Variants in MRPL19 observed in about 807,000 individuals in gnomAD.
MRPL19 encodes the protein large ribosomal subunit protein bL19m.
MRPL19 carries 31 observed loss-of-function variants against 34.0 expected under a neutral mutation model. The ratio of observed to expected loss-of-function variants is 0.91; its 90% CI spans 0.68 to 1.23. The LOEUF (loss-of-function observed/expected upper bound fraction) is 1.23, where lower values mean the gene tolerates loss of function less well. Ranked by LOEUF, MRPL19 falls within the 50% of genes most tolerant of loss-of-function variation. The pLI, the probability that MRPL19 is intolerant of heterozygous loss-of-function variation, is 0.00. For synonymous variants in MRPL19, 152 were observed against 127.7 expected (o/e 1.19, Z -1.28); for missense variants, 384 against 367.6 (o/e 1.04, Z -0.37).
At chr2:75,649,624 T>C (rs1015583309) in intron 2 of MRPL19, among the ~76,000 whole-genome samples, 2 of 152,160 alleles carry the variant, frequency 1.3e-5, no homozygotes, top group African/African-American at 4.8e-5. Flanking sequence ...TTCTAAATTA[T>C]TGAGGGATGA....
In MRPL19 at chr2:75,659,624, A is replaced by G; in HGVS notation, c.*4339A>G. Among the ~76,000 whole-genome samples the G allele has an allele frequency of 6.6e-6, 1 of 151,930 alleles. No individual in the cohort carries two copies. Among genetic ancestry groups the G allele is most frequent in the East Asian group, 1.9e-4 (1 of 5,168 alleles). Reference sequence around the variant, plus strand: ...TGTCTTGATTTCTCCCTTATTTTTGATGGATAATTTTGCCAGATACATGAA... The same window carrying G: ...TGTCTTGATTTCTCCCTTATTTTTGGTGGATAATTTTGCCAGATACATGAA... On this transcript the variant is annotated 3_prime_UTR_variant, in exon 6 of 6. Coordinates refer to ENST00000393909, the MANE Select transcript of MRPL19 (RefSeq NM_014763.4).
rs1361562375 is a variant in MRPL19 at position 75,660,103 on chromosome 2, T to C, written c.*4818T>C. ...CCCTTCTTTTTATTTTTTTCAAGTTTGTTGATTCTTCTCCCTGTTCAGATC... is the reference window on the plus strand; with the variant it reads ...CCCTTCTTTTTATTTTTTTCAAGTTCGTTGATTCTTCTCCCTGTTCAGATC... On this transcript the variant is annotated 3_prime_UTR_variant, in exon 6 of 6. Transcript: ENST00000393909. Among the ~76,000 whole-genome samples the C allele has an allele frequency of 6.6e-6, 1 of 152,172 alleles. No individual in the cohort carries two copies.
At chr2:75,647,883 T>C (rs544263767) in intron 2 of MRPL19, among the ~76,000 whole-genome samples, 8 of 152,002 alleles carry the variant, frequency 5.3e-5, no homozygotes, top group African/African-American at 1.9e-4. Flanking sequence ...GATTTTTAAT[T>C]TTTTTATTTT....
intron 2 of MRPL19, chr2:75,651,407 G>T: frequency 1.9e-6 from 1 of 537,524 alleles, no homozygotes. Context: ...CTGACTCGCT[G>T]CCACTTGGAG....
At chr2:75,651,369 C>T in intron 2 of MRPL19, 1 of 533,486 alleles carries the variant, frequency 1.9e-6, no homozygotes, top group South Asian at 1.4e-5. Context: ...CAGTGAATGA[C>T]ACCGCATATG....
At chr2:75,653,546 C>T (rs1209393766) in intron 4 of MRPL19, among the ~76,000 whole-genome samples, 5 of 152,162 alleles carry the variant, frequency 3.3e-5, no homozygotes, top group Non-Finnish European at 5.9e-5. Flanking sequence ...GGATTAGCTC[C>T]CTCTTGCCAT....
chr2:75,652,327 T>G (rs768596836), intron 3 of MRPL19, 67 bp downstream of exon 3: 229 of 1,349,312 alleles, frequency 1.7e-4, no homozygotes, highest in Non-Finnish European at 1.8e-4. Context: ...GGATGGTTAG[T>G]TTTCTTAAAA....
rs1420436310 is a variant in MRPL19 at position 75,657,760 on chromosome 2, CTTTT to C, written c.*2477_*2480del. 1.3e-5 allele frequency: 2 copies of C among 151,968 alleles called. No homozygotes were observed. Among genetic ancestry groups the C allele is most frequent in the African/African-American group, 4.8e-5 (2 of 41,378 alleles). 9.4% of individuals were successfully genotyped at this position (151,968 alleles called of 1,614,324 possible). ...GCTCAAAAACATGTAAACAATCATG[CTTTT>C]TACTCTGTAGGAATATCTTTAAAAT... On this transcript the variant is annotated 3_prime_UTR_variant, in exon 6 of 6. Coordinates refer to ENST00000393909, the MANE Select transcript of MRPL19 (RefSeq NM_014763.4).
Position 75,652,598 on chromosome 2 carries a change from A to G in MRPL19, c.416A>G (p.Gln139Arg), listed in dbSNP as rs748189776. The change falls in exon 4 of 6, where the codon CAG becomes CGG. Residue 139 changes from glutamine (Q) to arginine (R), a missense_variant. Transcript: ENST00000393909. ...AGCCAGTTTCTGGGGATTTGCATTC[A>G]GAGATCAGGAAGAGGACTTGGAGCT... is the stretch of plus-strand genomic sequence containing the variant. Reference protein sequence around the residue: ...KISQFLGICIQRSGRGLGATF... With the variant: ...KISQFLGICIRRSGRGLGATF... 3 of 1,613,808 alleles carry G rather than the reference A, an allele frequency of 1.9e-6. No individual in the cohort carries two copies. Among genetic ancestry groups the G allele is most frequent in the Non-Finnish European group, 2.5e-6 (3 of 1,179,736 alleles).
In MRPL19 at chr2:75,660,520, G is replaced by T. The variant is rs1678586907; in HGVS notation, c.*5235G>T. On this transcript the variant is annotated 3_prime_UTR_variant, in exon 6 of 6. Coordinates refer to ENST00000393909, the MANE Select transcript of MRPL19 (RefSeq NM_014763.4). ...GAGAGTTAGTTTTATTTTTATTATT[G>T]AAGATTGTAGCAGTCTATTGCTACA... 1 of 152,104 alleles carries T rather than the reference G, an allele frequency of 6.6e-6. No homozygotes were observed. Among genetic ancestry groups the T allele is most frequent in the African/African-American group, 2.4e-5 (1 of 41,414 alleles). The allele number at this position is 152,104 out of a possible 1,614,324, so 9.4% of individuals were successfully genotyped here.
intron 2 of MRPL19, 192 bp from the exon 3 acceptor site, chr2:75,651,950 T>C (rs981408782): frequency 2.4e-6 from 1 of 413,948 alleles, no homozygotes; most frequent in African/African-American, 2.0e-5. Flanking sequence ...TTTAACAAAA[T>C]ACCAGGTGAG....
chr2:75,652,255 A>G lies in MRPL19; in HGVS notation c.335A>G (p.Tyr112Cys), dbSNP rs772487566. The change falls in exon 3 of 6, where the codon TAT becomes TGT. Residue 112 changes from tyrosine (Y) to cysteine (C), a missense_variant. Tyr to Cys is a radical substitution (Grantham distance 194). Transcript: ENST00000393909. ...AAAGTACTCCACATTCCAGAGTTCT[A>G]TGTTGGTCAGTAAGAGCTGTATGTT... ...RRKVLHIPEF[Y>C]VGSILRVTTA... 60 of 1,548,420 alleles carry G rather than the reference A, an allele frequency of 3.9e-5. No homozygotes were observed. The highest frequency in any genetic ancestry group is 9.0e-5 in the East Asian group (4 of 44,488).
At chr2:75,655,026 AT>A in intron 5 of MRPL19, 37 bp from the exon 6 acceptor site, 1 of 1,114,560 alleles carries the variant, frequency 9.0e-7, no homozygotes, top group Non-Finnish European at 1.3e-6. Flanking sequence ...CAGCCTAATT[AT>A]TGCTTTTTTT....
chr2:75,648,269 TTTAAG>T (rs1215116387), intron 2 of MRPL19, among the ~76,000 whole-genome samples: 3 of 152,146 alleles, frequency 2.0e-5, no homozygotes, highest in Non-Finnish European at 4.4e-5. Context: ...ATTTACTAAG[TTTAAG>T]TTGTGTATAC....
intron 2 of MRPL19, 35 bp from the exon 3 acceptor site, chr2:75,652,101 TTTTGAG>T: frequency 8.0e-7 from 1 of 1,248,972 alleles, no homozygotes; most frequent in Non-Finnish European, 1.1e-6. Context: ...TCTAGCAGCC[TTTTGAG>T]TTTACTTTTA....
rs899299143 is a variant in MRPL19 at position 75,658,841 on chromosome 2, C to CT, written c.*3563dup. Among the ~76,000 whole-genome samples, 3 of 151,804 alleles carry CT rather than the reference C, an allele frequency of 2.0e-5. No individual in the cohort carries two copies. Among genetic ancestry groups the CT allele is most frequent in the Admixed American group, 2.0e-4 (3 of 15,222 alleles). On this transcript the variant is annotated 3_prime_UTR_variant, in exon 6 of 6. Coordinates refer to ENST00000393909, the MANE Select transcript of MRPL19 (RefSeq NM_014763.4). ...GTGGTTTACAATGTGTTAAGGTTCTCTTTTTTTAAAAAAATTTTTGCACAG... is the reference window on the plus strand; with the variant it reads ...GTGGTTTACAATGTGTTAAGGTTCTCTTTTTTTTAAAAAAATTTTTGCACAG...
intron 2 of MRPL19, chr2:75,651,670 T>G: frequency 3.0e-6 from 1 of 330,848 alleles, no homozygotes; most frequent in South Asian, 2.6e-5. Context: ...AATTTATAAT[T>G]AGTGATTTAT....
intron 2 of MRPL19, 133 bp downstream of exon 2, chr2:75,647,352 C>A: frequency 1.3e-6 from 1 of 765,822 alleles, no homozygotes; most frequent in Non-Finnish European, 2.1e-6. Context: ...GATTCAAGAG[C>A]CAGCGCACCA....
At position 75,659,349 on chromosome 2, in the gene MRPL19, T is replaced by C. The variant is rs149824955; in HGVS notation, c.*4064T>C. Among the ~76,000 whole-genome samples the C allele has an allele frequency of 3.7e-4, 57 of 152,294 alleles. No individual in the cohort carries two copies. The East Asian group carries it at 8.9e-3, about 24-fold the overall frequency. On this transcript the variant is annotated 3_prime_UTR_variant, in exon 6 of 6. Coordinates refer to ENST00000393909, the MANE Select transcript of MRPL19 (RefSeq NM_014763.4). Reference sequence around the variant, plus strand: ...CACAAATTGCCTAATAAATAATTTATAGTTATTTGTATGAGTTTGTCTTTT... The same window carrying C: ...CACAAATTGCCTAATAAATAATTTACAGTTATTTGTATGAGTTTGTCTTTT...
Sources: gnomAD v4.1 joint callset for allele counts (sites outside exome capture counted in the v4.1 genomes callset) on GRCh38, gnomAD v4.1.1 for gene constraint, MANE v1.5 for transcripts, NCBI Gene and HGNC (gene_info 2026-07-23, HGNC 2026-07-21) for gene names.